USP25: variants seen among roughly 807,000 people sequenced by gnomAD.
USP25 encodes the protein ubiquitin specific peptidase 25, also known as ubiquitin carboxyl-terminal hydrolase 25.
A neutral mutation model predicts 158.5 loss-of-function variants in USP25; 85 were observed. The ratio of observed to expected loss-of-function variants is 0.54; its 90% CI spans 0.45 to 0.64. The LOEUF (loss-of-function observed/expected upper bound fraction) is 0.64, where lower values mean the gene tolerates loss of function less well. Ranked by LOEUF, USP25 falls within the 30% of genes least tolerant of loss-of-function variation. The probability of loss-of-function intolerance (pLI) is 0.00; values close to 1 mark genes in which losing one functional copy is unlikely to be tolerated. For synonymous variants in USP25, 464 were observed against 460.4 expected (o/e 1.01, Z -0.10); for missense variants, 1,242 against 1,327.3 (o/e 0.94, Z 1.00).
At chr21:15,734,692 G>A (rs970487102) in intron 1 of USP25, among the ~76,000 whole-genome samples, 4 of 152,064 alleles carry the variant, frequency 2.6e-5, no homozygotes, top group African/African-American at 4.8e-5. Flanking sequence ...ATGACAGAAT[G>A]CTACTACAAT....
At chr21:15,827,898 TTTCTC>T (rs1256086205) in intron 14 of USP25, among the ~76,000 whole-genome samples, 13 of 152,138 alleles carry the variant, frequency 8.5e-5, no homozygotes, top group Non-Finnish European at 1.6e-4. Context: ...ATTCTGAACT[TTTCTC>T]TTTCCTACTT....
chr21:15,853,108 C>G (rs572988464), intron 20 of USP25, among the ~76,000 whole-genome samples: 73 of 152,238 alleles, frequency 4.8e-4, no homozygotes, highest in African/African-American at 1.7e-3. Context: ...CACTGTGTAT[C>G]TTGTTTTTTT....
intron 17 of USP25, among the ~76,000 whole-genome samples, chr21:15,839,726 A>G (rs73892552): frequency 0.016 from 2,474 of 152,046 alleles, 57 homozygotes; most frequent in African/African-American, 0.056. Context: ...ACTTTATTTT[A>G]TAATCTGATT....
chr21:15,736,123 G>T (rs2031491256), intron 1 of USP25, among the ~76,000 whole-genome samples: 1 of 151,210 alleles, frequency 6.6e-6, no homozygotes. Flanking sequence ...TTTGAGACGG[G>T]GTTTTGCTCT....
At position 15,833,632 on chromosome 21, in the gene USP25, A is replaced by C; in HGVS notation, c.2194+84A>C. On this transcript the variant is annotated intron_variant, in intron 17 of 25. Transcript: ENST00000400183. Reference sequence around the variant, plus strand: ...TGCTCATTATTAAAAAGTTTTAGCTATCTTAAAGTGTGAGGAAATCAGTAG... The same window carrying C: ...TGCTCATTATTAAAAAGTTTTAGCTCTCTTAAAGTGTGAGGAAATCAGTAG... 2.5e-6 allele frequency: 3 copies of C among 1,224,376 alleles called. No homozygotes were observed. The Admixed American group carries it at 7.6e-5, about 31-fold the overall frequency. The allele number at this position is 1,224,376 out of a possible 1,614,324, so 75.8% of individuals were successfully genotyped here.
chr21:15,875,694 A>G lies in USP25; in HGVS notation c.3009+1168A>G, dbSNP rs930734835. On this transcript the variant is annotated intron_variant, in intron 24 of 25. Transcript: ENST00000400183. This position sits in a 1 kb window ranked among gnomAD's most constrained non-coding sequence, Gnocchi z 4.7. ...TAGAGAAGGGAGAATATTCCAGTAC[A>G]CAACAGAAAATCAAGATAAATTCAC... Among the ~76,000 whole-genome samples, 1 of 152,250 alleles carries G rather than the reference A, an allele frequency of 6.6e-6. No individual in the cohort carries two copies. Among genetic ancestry groups the G allele is most frequent in the Non-Finnish European group, 1.5e-5 (1 of 68,044 alleles).
At chr21:15,793,968 G>A (rs2035730067) in intron 5 of USP25, among the ~76,000 whole-genome samples, 1 of 151,508 alleles carries the variant, frequency 6.6e-6, no homozygotes, top group African/African-American at 2.4e-5. Context: ...GAAAAGTTGG[G>A]CCAAAAATCT....
At chr21:15,749,826 C>CA (rs1490952283) in intron 1 of USP25, among the ~76,000 whole-genome samples, 1 of 152,138 alleles carries the variant, frequency 6.6e-6, no homozygotes, top group Non-Finnish European at 1.5e-5. Flanking sequence ...GAGCAAGGGA[C>CA]AAATCTTCAA....
intron 1 of USP25, among the ~76,000 whole-genome samples, chr21:15,761,702 G>A (rs2033736310): frequency 6.6e-6 from 1 of 152,212 alleles, no homozygotes; most frequent in Non-Finnish European, 1.5e-5. Context: ...AATCAGGGGA[G>A]AAGAAATGCA....
chr21:15,782,326 G>A (rs541712141), intron 4 of USP25, among the ~76,000 whole-genome samples: 1 of 152,306 alleles, frequency 6.6e-6, no homozygotes, highest in South Asian at 2.1e-4. Flanking sequence ...GGAGGATTGT[G>A]CACAGCTGCC....
At chr21:15,802,575 T>C (rs188930185) in intron 6 of USP25, among the ~76,000 whole-genome samples, 1 of 151,608 alleles carries the variant, frequency 6.6e-6, no homozygotes, top group East Asian at 1.9e-4. Context: ...ATCAAATGAG[T>C]AATGTCAGAA....
chr21:15,844,455 G>T (rs888270338), intron 18 of USP25, among the ~76,000 whole-genome samples: 3 of 152,084 alleles, frequency 2.0e-5, no homozygotes, highest in African/African-American at 7.2e-5. Context: ...AGCATTATTT[G>T]TAAGTGCCTG....
intron 1 of USP25, among the ~76,000 whole-genome samples, chr21:15,752,072 T>C (rs1444247026): frequency 6.6e-6 from 1 of 151,556 alleles, no homozygotes; most frequent in East Asian, 1.9e-4. Context: ...TTACAGGGAT[T>C]ACAGGCATGC....
intron 21 of USP25, 101 bp downstream of exon 21, chr21:15,864,547 G>A (rs1163683371): frequency 3.8e-6 from 4 of 1,057,330 alleles, no homozygotes; most frequent in Admixed American, 3.3e-5. Flanking sequence ...TATATGCATG[G>A]GCACATATTT....
intron 1 of USP25, among the ~76,000 whole-genome samples, chr21:15,743,080 G>A (rs987415403): frequency 1.3e-5 from 2 of 152,222 alleles, no homozygotes; most frequent in South Asian, 4.1e-4. Flanking sequence ...TGTTCCTGCC[G>A]CTCACAGCTC....
intron 3 of USP25, among the ~76,000 whole-genome samples, chr21:15,767,665 AAG>A (rs1205598593): frequency 1.3e-5 from 2 of 152,036 alleles, no homozygotes; most frequent in Non-Finnish European, 2.9e-5. Context: ...CGAGGGGAAA[AAG>A]AAACTAGATG....
intron 2 of USP25, among the ~76,000 whole-genome samples, chr21:15,765,102 T>C (rs1041231890): frequency 3.9e-5 from 6 of 152,136 alleles, no homozygotes; most frequent in Admixed American, 3.9e-4. Context: ...CTCCACTGGC[T>C]TCTTATTACA....
Position 15,879,343 on chromosome 21 carries a change from C to A in USP25, c.*868C>A, listed in dbSNP as rs1194304532. ...ATATATACACATATATACACATACA[C>A]ACATGTATATATATATTCTTCATAA... On this transcript the variant is annotated 3_prime_UTR_variant, in exon 26 of 26. Transcript: ENST00000400183. 1 of 152,232 alleles carries A rather than the reference C, an allele frequency of 6.6e-6. No individual in the cohort carries two copies. Among genetic ancestry groups the A allele is most frequent in the Non-Finnish European group, 1.5e-5 (1 of 67,920 alleles). 9.4% of individuals were successfully genotyped at this position (152,232 alleles called of 1,614,324 possible).
At chr21:15,813,069 C>T (rs1015641336) in intron 9 of USP25, among the ~76,000 whole-genome samples, 2 of 151,170 alleles carry the variant, frequency 1.3e-5, no homozygotes, top group Admixed American at 6.6e-5. Context: ...TTAAGCTGTT[C>T]ATCTTTTCTG....
Sources: gnomAD v4.1 joint callset for allele counts (sites outside exome capture counted in the v4.1 genomes callset) on GRCh38, gnomAD v4.1.1 for gene constraint, Gnocchi (gnomAD v3.1) non-coding constraint, MANE v1.5 for transcripts, NCBI Gene and HGNC (gene_info 2026-07-23, HGNC 2026-07-21) for gene names.